Variants in CHD3 observed in about 807,000 individuals in gnomAD.
CHD3 encodes the protein chromodomain helicase DNA binding protein 3.
In CHD3, 52 loss-of-function variants were observed where a neutral mutation model predicts 248.9. The ratio of observed to expected loss-of-function variants is 0.21; its 90% confidence interval spans 0.17 to 0.26. CHD3 has a LOEUF of 0.26. CHD3 is among the 10% of genes least tolerant of loss of function. The pLI is 1.00. For synonymous variants in CHD3, 985 were observed against 985.2 expected (o/e 1.00, Z 0.00); for missense variants, 1,482 against 2,605.8 (o/e 0.57, Z 9.39).
chr17:7,910,302 C>G lies in CHD3; in HGVS notation c.5591-126C>G. The G allele has an allele frequency of 8.6e-7, 1 of 1,156,230 alleles. No homozygotes were observed. The allele number at this position is 1,156,230 out of a possible 1,614,324, so 71.6% of individuals were successfully genotyped here. On this transcript the variant is annotated intron_variant, in intron 37 of 39. Coordinates refer to ENST00000330494, the MANE Select transcript of CHD3 (RefSeq NM_001005273.3). The surrounding 1 kb of genome is among the most constrained non-coding windows in gnomAD (Gnocchi z 4.7). ...TTCTTGATCTCTGGTTCTTTGACAT[C>G]TGTGTTCTCCTCTCTCGCTCTTTTT...
chr17:7,886,954 G>A (rs1299137944), upstream of CHD3, among the ~76,000 whole-genome samples: 1 of 152,060 alleles, frequency 6.6e-6, no homozygotes, highest in East Asian at 1.9e-4. The surrounding 1 kb of genome is among the most constrained non-coding windows in gnomAD (Gnocchi z 4.2). Flanking sequence ...AGACGTCAGA[G>A]GCTGCTTACA....
chr17:7,911,799 T>C lies in CHD3; in HGVS notation c.*214T>C. 3.5e-6 allele frequency: 5 copies of C among 1,426,896 alleles called. No homozygotes were observed. The highest frequency in any genetic ancestry group is 4.7e-6 in the Non-Finnish European group (5 of 1,069,780). The allele number at this position is 1,426,896 out of a possible 1,614,324, so 88.4% of individuals were successfully genotyped here. On this transcript the variant is annotated 3_prime_UTR_variant, in exon 40 of 40. Coordinates refer to ENST00000330494, the MANE Select transcript of CHD3 (RefSeq NM_001005273.3). The surrounding 1 kb of genome is among the most constrained non-coding windows in gnomAD (Gnocchi z 5.4). Reference sequence around the variant, plus strand: ...ACCTTTCCCACCAAGCCTTGAAGACTGTGCTGGTGAGAAGAAGTCTGGGTG... The same window carrying C: ...ACCTTTCCCACCAAGCCTTGAAGACCGTGCTGGTGAGAAGAAGTCTGGGTG...
chr17:7,910,197 A>C lies in CHD3; in HGVS notation c.5591-231A>C, dbSNP rs534108379. ...TTTCTCTCCATCTGTCTTCTGTGGT[A>C]ATCTGGTCTCTCTGTCTCTTTTCCT... On this transcript the variant is annotated intron_variant, in intron 37 of 39. Coordinates refer to ENST00000330494, the MANE Select transcript of CHD3 (RefSeq NM_001005273.3). This position sits in a 1 kb window ranked among gnomAD's most constrained non-coding sequence, Gnocchi z 4.7. 6.1e-6 allele frequency: 3 copies of C among 489,602 alleles called. No homozygotes were observed. Among genetic ancestry groups the C allele is most frequent in the Non-Finnish European group, 1.1e-5 (3 of 272,450 alleles). 30.3% of individuals were successfully genotyped at this position (489,602 alleles called of 1,614,324 possible).
chr17:7,901,089 G>A, intron 19 of CHD3, 96 bp downstream of exon 19: 1 of 1,528,362 alleles, frequency 6.5e-7, no homozygotes. Flanking sequence ...CAGGGGTGGA[G>A]CTGGGCTGGA....
At position 7,907,156 on chromosome 17, in the gene CHD3, G is replaced by T. The variant is rs1172937277; in HGVS notation, c.4697G>T (p.Gly1566Val). ...ATPAPSEKGE[G>V]IRTPLEKEEA... ...CCAGCTCCAAGTGAGAAAGGAGAAG[G>T]CATAAGGACACCTCTTGAGAAGGAG... The change falls in exon 31 of 40, where the codon GGC becomes GTC. Residue 1566 changes from glycine to valine, a missense_variant. Gly to Val is a moderately radical substitution (Grantham distance 109). Around this residue, in one of 20 missense-constraint regions of CHD3, gnomAD observed 254 missense variants for 266.7 expected, o/e 0.95. Transcript: ENST00000330494. This position sits in a 1 kb window ranked among gnomAD's most constrained non-coding sequence, Gnocchi z 4.3. 6.2e-7 allele frequency: 1 copy of T among 1,614,212 alleles called. No homozygotes were observed.
rs375435771 is a variant in CHD3 at position 7,900,048 on chromosome 17, C to T, written c.2682+15C>T. On this transcript the variant is annotated intron_variant, in intron 16 of 39. Transcript: ENST00000330494. The surrounding 1 kb of genome is among the most constrained non-coding windows in gnomAD (Gnocchi z 6.5). ...ACCAGTCCAAGGTGAGTGAGGTTTCCAGACCTAAAAAACTTGAAGTTGTGG... is the reference window on the plus strand; with the variant it reads ...ACCAGTCCAAGGTGAGTGAGGTTTCTAGACCTAAAAAACTTGAAGTTGTGG... 2.1e-4 allele frequency: 328 copies of T among 1,589,554 alleles called. No homozygotes were observed. Among genetic ancestry groups the T allele is most frequent in the Non-Finnish European group, 2.7e-4 (319 of 1,165,342 alleles).
chr17:7,908,969 G>A lies in CHD3; in HGVS notation c.5394+140G>A. 1.1e-5 allele frequency: 15 copies of A among 1,412,694 alleles called. No homozygotes were observed. In the South Asian group the frequency reaches 1.8e-4, roughly 17 times the overall value. The allele number at this position is 1,412,694 out of a possible 1,614,324, so 87.5% of individuals were successfully genotyped here. A position where few individuals can be genotyped will look rare whatever the true frequency, so the allele number is the denominator to read the frequency against. On this transcript the variant is annotated intron_variant, in intron 36 of 39. Transcript: ENST00000330494. The surrounding 1 kb of genome is among the most constrained non-coding windows in gnomAD (Gnocchi z 5.8). The stretch of plus-strand genomic sequence containing the variant: ...GGCCAAGACCAAAGTGTAACCTTGT[G>A]CTTGGGAGTGTGATCTGGGTCAGGG...
At position 7,891,070 on chromosome 17, in the gene CHD3, G is replaced by GT. The variant is rs1300321962; in HGVS notation, c.509+7dup. 4 of 1,613,516 alleles carry GT rather than the reference G, an allele frequency of 2.5e-6. No individual in the cohort carries two copies. The highest frequency in any genetic ancestry group is 3.4e-6 in the Non-Finnish European group (4 of 1,179,528). On this transcript the variant is annotated splice_region_variant and intron_variant, in intron 4 of 39. Transcript: ENST00000330494. The stretch of plus-strand genomic sequence containing the variant: ...GCCTTCAGCCAGTTCATGAGGTGCG[G>GT]TAAGACTGGGGAATCCTCGCTAATT...
Position 7,901,254 on chromosome 17 carries a change from A to G in CHD3, c.3131A>G (p.Lys1044Arg), listed in dbSNP as rs1340847718. 6.2e-7 allele frequency: 1 copy of G among 1,604,354 alleles called. No individual in the cohort carries two copies. The highest frequency in any genetic ancestry group is 8.5e-7 in the Non-Finnish European group (1 of 1,174,278). Residue 1044 changes from lysine (K) to arginine (R), a missense_variant, in exon 20 of 40, where the codon AAA becomes AGA. Transcript: ENST00000330494. ...CTCCTCCCTTTTCAGGAGTCCCCCA[A>G]ACTCCCCAGTGGGGCTTATGAGGGT... The part of the protein sequence containing the change: ...LFPVAAMESP[K>R]LPSGAYEGGA...
Position 7,899,291 on chromosome 17 carries a change from G to A in CHD3, c.2344-52G>A. 6 of 1,603,910 alleles carry A rather than the reference G, an allele frequency of 3.7e-6. No individual in the cohort carries two copies. The highest frequency in any genetic ancestry group is 5.1e-6 in the Non-Finnish European group (6 of 1,171,192). ...AAGGGGTGTAGCTGGCAGAGGACTA[G>A]GGTATACGGCCTCTAGCCTAGACTT... On this transcript the variant is annotated intron_variant, in intron 14 of 39. Coordinates refer to ENST00000330494, the MANE Select transcript of CHD3 (RefSeq NM_001005273.3). This position sits in a 1 kb window ranked among gnomAD's most constrained non-coding sequence, Gnocchi z 6.8.
At chr17:7,894,687 C>G (rs1245283248) in intron 8 of CHD3, 79 bp downstream of exon 8, 6 of 1,480,710 alleles carry the variant, frequency 4.1e-6, no homozygotes, top group Non-Finnish European at 5.5e-6. Flanking sequence ...TTACCCTCTT[C>G]CTGCCCCCAG....
Position 7,904,363 on chromosome 17 carries a change from C to G in CHD3, c.3895-79C>G, listed in dbSNP as rs1970668056. On this transcript the variant is annotated intron_variant, in intron 24 of 39. Coordinates refer to ENST00000330494, the MANE Select transcript of CHD3 (RefSeq NM_001005273.3). The surrounding 1 kb of genome is among the most constrained non-coding windows in gnomAD (Gnocchi z 4.4). ...GGGAGACCGGATTGGGCTGACGCAG[C>G]AGAGTAGGGATTTCCTTGCAGTGGA... is the stretch of plus-strand genomic sequence containing the variant. 2 of 1,375,536 alleles carry G rather than the reference C, an allele frequency of 1.5e-6. No homozygotes were observed. Among genetic ancestry groups the G allele is most frequent in the Admixed American group, 3.8e-5 (2 of 53,006 alleles). 85.2% of individuals were successfully genotyped at this position (1,375,536 alleles called of 1,614,324 possible).
chr17:7,899,978 G>A lies in CHD3; in HGVS notation c.2627G>A (p.Arg876His). The change falls in exon 16 of 40, where the codon CGC becomes CAC. Residue 876 changes from arginine (R) to histidine (H), a missense_variant. Arg to His is a conservative substitution (Grantham distance 29, BLOSUM62 0). Around this residue, in one of 20 missense-constraint regions of CHD3, gnomAD observed 49 missense variants for 93.8 expected, o/e 0.52. Coordinates refer to ENST00000330494, the MANE Select transcript of CHD3 (RefSeq NM_001005273.3). This position sits in a 1 kb window ranked among gnomAD's most constrained non-coding sequence, Gnocchi z 6.8. ...TIDQAALGSI[R>H]WACLVVDEAH... ...GATCAGGCAGCACTTGGTTCCATCC[G>A]CTGGGCCTGTCTTGTGGTAGATGAG... 1.2e-6 allele frequency: 2 copies of A among 1,614,110 alleles called. No homozygotes were observed. Among genetic ancestry groups the A allele is most frequent in the Middle Eastern group, 1.7e-4 (1 of 6,028 alleles).
Position 7,899,804 on chromosome 17 carries a change from G to T in CHD3, c.2545-92G>T. The T allele has an allele frequency of 6.8e-7, 1 of 1,464,288 alleles. No homozygotes were observed. Among genetic ancestry groups the T allele is most frequent in the Non-Finnish European group, 9.4e-7 (1 of 1,065,290 alleles). 90.7% of individuals were successfully genotyped at this position (1,464,288 alleles called of 1,614,324 possible). Reference sequence around the variant, plus strand: ...GGAGAACAGAGTAATGGCTCCTGTTGGGAGCCACAGTCAGGACAAGGTGTC... The same window carrying T: ...GGAGAACAGAGTAATGGCTCCTGTTTGGAGCCACAGTCAGGACAAGGTGTC... On this transcript the variant is annotated intron_variant, in intron 15 of 39. Transcript: ENST00000330494. This position sits in a 1 kb window ranked among gnomAD's most constrained non-coding sequence, Gnocchi z 6.8.
chr17:7,909,915 G>GC lies in CHD3; in HGVS notation c.5591-509dup. On this transcript the variant is annotated intron_variant, in intron 37 of 39. Coordinates refer to ENST00000330494, the MANE Select transcript of CHD3 (RefSeq NM_001005273.3). This position sits in a 1 kb window ranked among gnomAD's most constrained non-coding sequence, Gnocchi z 8.1. ...TGCCTGGTGTAGTCACTGACTCCTG[G>GC]CCCCTTTGATCCCTGTTCTAATTCC... 4.9e-6 allele frequency: 1 copy of GC among 203,380 alleles called. No individual in the cohort carries two copies. The highest frequency in any genetic ancestry group is 1.0e-5 in the Non-Finnish European group (1 of 99,584). The allele number at this position is 203,380 out of a possible 1,614,324, so 12.6% of individuals were successfully genotyped here. A position where few individuals can be genotyped will look rare whatever the true frequency, so the allele number is the denominator to read the frequency against.
chr17:7,889,188 T>C lies in CHD3; in HGVS notation c.100+88T>C. 2 of 1,539,826 alleles carry C rather than the reference T, an allele frequency of 1.3e-6. No individual in the cohort carries two copies. Among genetic ancestry groups the C allele is most frequent in the Non-Finnish European group, 1.8e-6 (2 of 1,124,350 alleles). On this transcript the variant is annotated intron_variant, in intron 1 of 39. Transcript: ENST00000330494. The surrounding 1 kb of genome is among the most constrained non-coding windows in gnomAD (Gnocchi z 4.5). ...GGGTGTTAGTGTGAGAACCCAGGTG[T>C]CCACCTTTGGCTCTCCCTCCCCAGC... is the stretch of plus-strand genomic sequence containing the variant.
In CHD3 at chr17:7,911,959, A is replaced by C; in HGVS notation, c.*374A>C. 1 of 350,250 alleles carries C rather than the reference A, an allele frequency of 2.9e-6. No individual in the cohort carries two copies. Among genetic ancestry groups the C allele is most frequent in the Non-Finnish European group, 5.5e-6 (1 of 183,372 alleles). 21.7% of individuals were successfully genotyped at this position (350,250 alleles called of 1,614,324 possible). A position where few individuals can be genotyped will look rare whatever the true frequency, so the allele number is the denominator to read the frequency against. ...TTCCCTGCAGAATCAGCTCTGTCTC[A>C]TGTGGAAGTGGAGAATCAGCCTTGC... On this transcript the variant is annotated 3_prime_UTR_variant, in exon 40 of 40. Transcript: ENST00000330494. The surrounding 1 kb of genome is among the most constrained non-coding windows in gnomAD (Gnocchi z 5.4).
chr17:7,907,724 AC>A lies in CHD3; in HGVS notation c.5026+23del. On this transcript the variant is annotated intron_variant, in intron 33 of 39. Coordinates refer to ENST00000330494, the MANE Select transcript of CHD3 (RefSeq NM_001005273.3). This position sits in a 1 kb window ranked among gnomAD's most constrained non-coding sequence, Gnocchi z 4.3. ...AGAGGTAATGGGTGGAAGGGACCGGACACCTGGGTCCCAGAGGGCATCAGGG... is the reference window on the plus strand; with the variant it reads ...AGAGGTAATGGGTGGAAGGGACCGGAACCTGGGTCCCAGAGGGCATCAGGG... 1 of 1,517,468 alleles carries A rather than the reference AC, an allele frequency of 6.6e-7. No homozygotes were observed. The highest frequency in any genetic ancestry group is 2.4e-5 in the East Asian group (1 of 41,720). 94.0% of individuals were successfully genotyped at this position (1,517,468 alleles called of 1,614,324 possible). A position where few individuals can be genotyped will look rare whatever the true frequency, so the allele number is the denominator to read the frequency against.
In CHD3 at chr17:7,911,559, G is replaced by A. The variant is rs777405455; in HGVS notation, c.5977G>A (p.Gly1993Arg). The A allele has an allele frequency of 1.8e-5, 29 of 1,613,990 alleles. No individual in the cohort carries two copies. Among genetic ancestry groups the A allele is most frequent in the Non-Finnish European group, 2.1e-5 (25 of 1,179,964 alleles). ...DGLDRKEPRA[G>R]EVICIDD ...GCTGGATCGGAAGGAGCCCCGAGCC[G>A]GGGAGGTGATCTGTATAGACGACTG... The change falls in exon 40 of 40, where the codon GGG becomes AGG. Residue 1993 changes from glycine (G) to arginine (R), a missense_variant. Physicochemically the swap from Gly to Arg is moderately radical, Grantham distance 125. Around this residue, in one of 20 missense-constraint regions of CHD3, gnomAD observed 117 missense variants for 137.2 expected, o/e 0.85. Transcript: ENST00000330494. The surrounding 1 kb of genome is among the most constrained non-coding windows in gnomAD (Gnocchi z 5.4).
Sources: gnomAD v4.1 joint callset for allele counts (sites outside exome capture counted in the v4.1 genomes callset) on GRCh38, gnomAD v4.1.1 for gene constraint, gnomAD v4.1.1 regional missense constraint, Gnocchi (gnomAD v3.1) non-coding constraint, MANE v1.5 for transcripts, NCBI Gene and HGNC (gene_info 2026-07-23, HGNC 2026-07-21) for gene names.